BAZ1A: variants seen among roughly 807,000 people sequenced by gnomAD.
BAZ1A encodes bromodomain adjacent to zinc finger domain 1A.
In BAZ1A, 50 loss-of-function variants were observed where a neutral mutation model predicts 185.2. That is an observed-to-expected ratio of 0.27 (90% CI 0.22 to 0.34). BAZ1A has a LOEUF of 0.34. BAZ1A is among the 10% of genes least tolerant of loss of function. The pLI is 1.00. For missense variants in BAZ1A, 1,356 were observed against 1,839.9 expected, an observed-to-expected ratio of 0.74 and a Z score of 4.81; for synonymous variants, 571 against 615.6, an observed-to-expected ratio of 0.93 and a Z score of 1.07.
intron 5 of BAZ1A, among the ~76,000 whole-genome samples, chr14:34,807,921 C>T (rs776030134): frequency 2.6e-5 from 4 of 151,482 alleles, no homozygotes; most frequent in Admixed American, 6.6e-5. Context: ...CTGGCTAACA[C>T]GGTGAAACCC....
intron 3 of BAZ1A, among the ~76,000 whole-genome samples, chr14:34,852,496 G>A (rs1032901335): frequency 4.6e-5 from 7 of 152,040 alleles, no homozygotes; most frequent in Non-Finnish European, 7.4e-5. Flanking sequence ...ACGCACGCCC[G>A]TATTCCCAGC....
intron 4 of BAZ1A, among the ~76,000 whole-genome samples, chr14:34,812,299 A>G (rs1426386047): frequency 1.3e-5 from 2 of 152,102 alleles, no homozygotes; most frequent in African/African-American, 4.8e-5. Flanking sequence ...TAAAAAAGAG[A>G]AAAAAAGTAA....
chr14:34,863,865 AAG>A (rs1262169963), intron 2 of BAZ1A, among the ~76,000 whole-genome samples: 4 of 144,328 alleles, frequency 2.8e-5, no homozygotes, highest in Non-Finnish European at 4.6e-5. Flanking sequence ...TTTCTTTTTT[AAG>A]AGAGTCTCAC....
intron 14 of BAZ1A, among the ~76,000 whole-genome samples, chr14:34,784,365 C>A (rs1470488773): frequency 3.9e-5 from 1 of 25,410 alleles, no homozygotes; most frequent in Non-Finnish European, 5.7e-5. Context: ...GAGACTCTGT[C>A]TCAAAAAAAA....
chr14:34,796,166 A>ACACACACACC (rs1881184886), intron 9 of BAZ1A, among the ~76,000 whole-genome samples: 1 of 23,140 alleles, frequency 4.3e-5, no homozygotes. Flanking sequence ...ACATATACAT[A>ACACACACACC]CACACACACA....
chr14:34,811,110 C>T, intron 4 of BAZ1A, 74 bp from the exon 5 acceptor site: 1 of 1,047,400 alleles, frequency 9.5e-7, no homozygotes, highest in Non-Finnish European at 1.4e-6. Context: ...AACCTAGTTT[C>T]TAAGAATATA....
At chr14:34,797,849 G>A (rs1010767286) in intron 9 of BAZ1A, among the ~76,000 whole-genome samples, 11 of 152,088 alleles carry the variant, frequency 7.2e-5, no homozygotes, top group East Asian at 1.9e-4. Context: ...AAAGCAGGGC[G>A]GGCCGAAGCA....
intron 4 of BAZ1A, among the ~76,000 whole-genome samples, chr14:34,813,349 G>A (rs746120711): frequency 4.6e-5 from 7 of 152,062 alleles, no homozygotes; most frequent in African/African-American, 9.7e-5. Flanking sequence ...TGATTGTGTC[G>A]CTGCACTCCA....
rs780287749 is a variant in BAZ1A at position 34,759,171 on chromosome 14, G to GTTTTTTTTTTTTTTTTTTTT, written c.4244-345_4244-326dup. On this transcript the variant is annotated intron_variant, in intron 24 of 26. Transcript: ENST00000360310. The stretch of plus-strand genomic sequence containing the variant: ...TTATTAAAAATACTTTACAGCTACA[G>GTTTTTTTTTTTTTTTTTTTT]TTTTTTTTTTTTTTTTTTTTTTTTT... 1.2e-4 allele frequency among the ~76,000 whole-genome samples: 8 copies of GTTTTTTTTTTTTTTTTTTTT among 66,478 alleles called. 1 individual carries two copies. Among genetic ancestry groups the GTTTTTTTTTTTTTTTTTTTT allele is most frequent in the East Asian group, 6.2e-4 (1 of 1,622 alleles). The allele number at this position is 66,478 out of a possible 152,430, so 43.6% of individuals were successfully genotyped here.
Position 34,785,778 on chromosome 14 carries a change from T to C in BAZ1A, c.1830A>G (p.Pro610=). The C allele has an allele frequency of 6.2e-7, 1 of 1,613,674 alleles. No individual in the cohort carries two copies. Among genetic ancestry groups the C allele is most frequent in the Non-Finnish European group, 8.5e-7 (1 of 1,179,902 alleles). Residue 610 remains proline (P), a splice_region_variant and synonymous_variant, in exon 14 of 27, where the codon CCA becomes CCG. Transcript: ENST00000360310. ...CAAATTCCAACTTGCAAAGCTTACC[T>C]GGTGTCAAATCATACACTGAGGTGC... ...LSSTSVYDLT[P]GEKMKILHAL...
intron 21 of BAZ1A, 58 bp from the exon 22 acceptor site, chr14:34,765,326 G>A: frequency 6.4e-7 from 1 of 1,573,106 alleles, no homozygotes; most frequent in Non-Finnish European, 8.6e-7. Flanking sequence ...AATCTTCCTA[G>A]AAATAGTTTG....
intron 8 of BAZ1A, among the ~76,000 whole-genome samples, 180 bp downstream of exon 8, chr14:34,800,914 C>T (rs1025182328): frequency 6.6e-6 from 1 of 152,108 alleles, no homozygotes; most frequent in Admixed American, 6.5e-5. Context: ...AGAGATGAAG[C>T]GGTCTTATTT....
intron 11 of BAZ1A, among the ~76,000 whole-genome samples, chr14:34,793,367 G>GT (rs1158356234): frequency 5.9e-5 from 9 of 152,144 alleles, no homozygotes; most frequent in Admixed American, 5.2e-4. Context: ...ATAAATAAAT[G>GT]TTTTTTATCT....
intron 5 of BAZ1A, among the ~76,000 whole-genome samples, chr14:34,809,877 C>T (rs1180691132): frequency 1.3e-5 from 2 of 152,094 alleles, no homozygotes; most frequent in Admixed American, 6.6e-5. Flanking sequence ...TCAACAATTG[C>T]TATTCATTAG....
At chr14:34,788,631 C>G (rs1880650473) in intron 12 of BAZ1A, among the ~76,000 whole-genome samples, 1 of 151,928 alleles carries the variant, frequency 6.6e-6, no homozygotes. Context: ...GACTCTGGAT[C>G]AGCAGCTTTC....
rs138246816 is a variant in BAZ1A, at chr14:34,776,067, G to A, written c.2685C>T (p.Tyr895=). Residue 895 remains tyrosine, a synonymous_variant, in exon 18 of 27, where the codon TAC becomes TAT. Transcript: ENST00000360310. ...GCTGGTCTAGCTGTTCACAAGAACT[G>A]TAAAAGCACCACCGATTTGGCTTAT... ...PVHKPNRWCF[Y]SSCEQLDQLI... is the part of the protein sequence containing the mutation. 91 of 1,614,034 alleles carry A rather than the reference G, an allele frequency of 5.6e-5. No homozygotes were observed. In the African/African-American group the frequency reaches 1.1e-3, roughly 19 times the overall value.
Position 34,783,119 on chromosome 14 carries a change from C to T in BAZ1A, c.2111G>A (p.Gly704Glu). The T allele has an allele frequency of 6.3e-7, 1 of 1,583,218 alleles. No individual in the cohort carries two copies. The highest frequency in any genetic ancestry group is 8.7e-7 in the Non-Finnish European group (1 of 1,153,910). The change falls in exon 16 of 27, where the codon GGG (glycine) becomes GAG (glutamate). Residue 704 changes from glycine (G) to glutamate (E), a missense_variant and splice_region_variant. By Grantham distance (98) the Gly-to-Glu change is moderately conservative (BLOSUM62 -2). Around this residue, in one of 7 missense-constraint regions of BAZ1A, gnomAD observed 434 missense variants for 561.7 expected, o/e 0.77. Transcript: ENST00000360310. ...QRNSTADISI[G>E]EEEREDFDTS... is the part of the protein sequence containing the mutation. ...ATGAACAGTGTGATTCAAACCATACCCAATAGATATATCTGCCGTTGAATT... is the reference window on the plus strand; with the variant it reads ...ATGAACAGTGTGATTCAAACCATACTCAATAGATATATCTGCCGTTGAATT...
Position 34,783,276 on chromosome 14 carries a change from T to C in BAZ1A, c.1998-44A>G, listed in dbSNP as rs199917178. The C allele has an allele frequency of 2.3e-4, 264 of 1,159,246 alleles. 5 individuals carry two copies. In the South Asian group the frequency reaches 3.4e-3, roughly 15 times the overall value. The allele number at this position is 1,159,246 out of a possible 1,614,324, so 71.8% of individuals were successfully genotyped here. A position where few individuals can be genotyped will look rare whatever the true frequency, so the allele number is the denominator to read the frequency against. On this transcript the variant is annotated intron_variant, in intron 15 of 26. Transcript: ENST00000360310. ...TATGGTAGTCTATCTGATGCACATA[T>C]ACATTTCACTTTTAGCATCTTGTCT...
In BAZ1A at chr14:34,776,144, T is replaced by G; in HGVS notation, c.2608A>C (p.Asn870His). The change falls in exon 18 of 27, where the codon AAC becomes CAC. Residue 870 changes from asparagine (N) to histidine (H), a missense_variant. Asn to His is a moderately conservative substitution (Grantham distance 68). Coordinates refer to ENST00000360310, the MANE Select transcript of BAZ1A (RefSeq NM_013448.3). ...GEPLMSESTS[N>H]IDQGPRDHSV... ...TGGTCACGTGGACCTTGGTCAATGT[T>G]GGAGGTAGATTCAGACATCAAAGGC... is the stretch of plus-strand genomic sequence containing the variant. 1 of 1,614,192 alleles carries G rather than the reference T, an allele frequency of 6.2e-7. No individual in the cohort carries two copies. The highest frequency in any genetic ancestry group is 1.1e-5 in the South Asian group (1 of 91,078).
Sources: gnomAD v4.1 joint callset for allele counts (sites outside exome capture counted in the v4.1 genomes callset) on GRCh38, gnomAD v4.1.1 for gene constraint, gnomAD v4.1.1 regional missense constraint, MANE v1.5 for transcripts, NCBI Gene and HGNC (gene_info 2026-07-23, HGNC 2026-07-21) for gene names.